The following PCYT1B variants were observed in gnomAD, a reference collection of about 807,000 sequenced individuals.
PCYT1B encodes phosphate cytidylyltransferase 1B, choline.
In PCYT1B, 10 loss-of-function variants were observed where a neutral mutation model predicts 26.4. The ratio of observed to expected loss-of-function variants is 0.38; its 90% CI spans 0.23 to 0.64. The LOEUF (loss-of-function observed/expected upper bound fraction) is 0.64. Ranked by LOEUF, PCYT1B falls within the 30% of genes least tolerant of loss-of-function variation. The pLI, the probability that PCYT1B is intolerant of heterozygous loss-of-function variation, is 0.56. For synonymous variants in PCYT1B, 131 were observed against 108.4 expected (o/e 1.21, Z -1.29); for missense variants, 161 against 292.7 (o/e 0.55, Z 3.28).
intron 1 of PCYT1B, among the ~76,000 whole-genome samples, chrX:24,667,020 G>A (rs1210993911): frequency 9.1e-6 from 1 of 109,339 alleles, no homozygotes; most frequent in Non-Finnish European, 1.9e-5. Context: ...AGGAGTTAGG[G>A]AAGGCATGGT....
At chrX:24,583,088 C>A (rs762118768) in intron 5 of PCYT1B, among the ~76,000 whole-genome samples, 5 of 112,285 alleles carry the variant, frequency 4.5e-5, no homozygotes, top group Non-Finnish European at 9.4e-5. Context: ...AATTCCCTTC[C>A]CCTGGAATCT....
chrX:24,656,999 G>A (rs183503064), intron 1 of PCYT1B, among the ~76,000 whole-genome samples: 3 of 111,544 alleles, frequency 2.7e-5, no homozygotes, highest in African/African-American at 3.3e-5. Context: ...CAAATATGAC[G>A]GCAGGGTTTT....
intron 7 of PCYT1B, among the ~76,000 whole-genome samples, chrX:24,567,217 T>G (rs1057156995): frequency 8.9e-6 from 1 of 112,596 alleles, no homozygotes; most frequent in Non-Finnish European, 1.9e-5. Flanking sequence ...TTGTCTACTA[T>G]AGTTTGAATC....
intron 3 of PCYT1B, among the ~76,000 whole-genome samples, chrX:24,593,288 C>A (rs1408092419): frequency 9.1e-6 from 1 of 110,452 alleles, no homozygotes; most frequent in Admixed American, 9.7e-5. Context: ...TTATTATTTA[C>A]AATAATAGAT....
intron 1 of PCYT1B, among the ~76,000 whole-genome samples, chrX:24,628,046 A>G (rs886221670): frequency 1.8e-5 from 2 of 111,835 alleles, no homozygotes; most frequent in African/African-American, 6.5e-5. Context: ...CCAAGTGGAG[A>G]TGTCAGGTAG....
intron 3 of PCYT1B, among the ~76,000 whole-genome samples, chrX:24,606,955 T>C (rs1406926155): frequency 5.3e-5 from 6 of 112,254 alleles, no homozygotes; most frequent in Admixed American, 1.9e-4. Context: ...TTACCAGTAC[T>C]TTTTTCCCCC....
At chrX:24,671,669 G>A (rs1195288792) in intron 1 of PCYT1B, among the ~76,000 whole-genome samples, 1 of 111,266 alleles carries the variant, frequency 9.0e-6, no homozygotes, top group Non-Finnish European at 1.9e-5. Context: ...GTAGTGGAGT[G>A]AAACCAGCTT....
At chrX:24,576,215 T>A (rs1416031126) in intron 6 of PCYT1B, among the ~76,000 whole-genome samples, 1 of 112,645 alleles carries the variant, frequency 8.9e-6, no homozygotes, top group Admixed American at 9.4e-5. Context: ...AACATGTGGC[T>A]CTTCCCCCAT....
intron 1 of PCYT1B, among the ~76,000 whole-genome samples, chrX:24,660,870 C>T (rs747503564): frequency 9.0e-6 from 1 of 110,902 alleles, no homozygotes; most frequent in East Asian, 2.8e-4. Flanking sequence ...GGATAACAAC[C>T]TCATTCCACC....
At chrX:24,665,722 T>C (rs1338845257) in intron 1 of PCYT1B, among the ~76,000 whole-genome samples, 1 of 112,169 alleles carries the variant, frequency 8.9e-6, no homozygotes, top group East Asian at 2.8e-4. Flanking sequence ...AGCTTTTTTA[T>C]TAATTCTCCA....
rs1309076665 is a variant in PCYT1B at position 24,560,469 on chromosome X, AAAG to A, written c.*1821_*1823del. 3.6e-5 allele frequency: 4 copies of A among 111,940 alleles called. No homozygotes were observed. The highest frequency in any genetic ancestry group is 1.3e-4 in the African/African-American group (4 of 30,667). The allele number at this position is 111,940 out of a possible 1,213,427, so 9.2% of individuals were successfully genotyped here. ...TATTCTGGGTGGCCCTTGACTGCAA[AAAG>A]AAGTTTTCTTCTTCACATGCCATGT... On this transcript the variant is annotated 3_prime_UTR_variant, in exon 8 of 8. Coordinates refer to ENST00000379144, the MANE Select transcript of PCYT1B (RefSeq NM_004845.5).
In PCYT1B at chrX:24,565,483, TG is replaced by T. The variant is rs773448866; in HGVS notation, c.898-2979del. Among the ~76,000 whole-genome samples the T allele has an allele frequency of 2.4e-4, 26 of 109,960 alleles. 1 individual carries two copies. Among genetic ancestry groups the T allele is most frequent in the Admixed American group, 9.8e-5 (1 of 10,226 alleles). On this transcript the variant is annotated intron_variant, in intron 7 of 7. Transcript: ENST00000379144. ...TGGGTGGAGATGGGGAGTGGGTCCA[TG>T]GGGGCTAGTAGAGGATGGCCTTTCT...
intron 2 of PCYT1B, among the ~76,000 whole-genome samples, chrX:24,613,965 AAAAAAAAAAAAAAG>A (rs1225536942): frequency 2.4e-4 from 5 of 20,619 alleles, no homozygotes; most frequent in Admixed American, 5.7e-4. Flanking sequence ...AAAAAAAAAA[AAAAAAAAAAAAAAG>A]AAAGAAAGAG....
In PCYT1B at chrX:24,607,204, G is replaced by A. The variant is rs183429064; in HGVS notation, c.334+541C>T. Among the ~76,000 whole-genome samples, 4 of 112,130 alleles carry A rather than the reference G, an allele frequency of 3.6e-5. No individual in the cohort carries two copies. In the East Asian group the frequency reaches 1.1e-3, roughly 31 times the overall value. ...AATTGGTCCCTTCGTTGTGAACCAAGATTACCTCGGTATATAAATCTCCAT... is the reference window on the plus strand; with the variant it reads ...AATTGGTCCCTTCGTTGTGAACCAAAATTACCTCGGTATATAAATCTCCAT... On this transcript the variant is annotated intron_variant, in intron 3 of 7. Transcript: ENST00000379144.
Position 24,637,491 on chromosome X carries a change from A to AAT in PCYT1B, c.117+9496_117+9497dup, listed in dbSNP as rs1555963533. Reference sequence around the variant, plus strand: ...ACCCCATCTCTACTAAAAAAAAAAAAATATATATATATATATATATAAATT... The same window carrying AAT: ...ACCCCATCTCTACTAAAAAAAAAAAAATATATATATATATATATATATAAATT... On this transcript the variant is annotated intron_variant, in intron 1 of 7. Coordinates refer to ENST00000379144, the MANE Select transcript of PCYT1B (RefSeq NM_004845.5). Among the ~76,000 whole-genome samples the AAT allele has an allele frequency of 5.6e-3, 297 of 52,860 alleles. 13 individuals are homozygous for AAT. The highest frequency in any genetic ancestry group is 0.018 in the Middle Eastern group (2 of 113). 45.9% of individuals were successfully genotyped at this position (52,860 alleles called of 115,157 possible).
chrX:24,602,754 A>G (rs1429430851), intron 3 of PCYT1B, among the ~76,000 whole-genome samples: 7 of 112,229 alleles, frequency 6.2e-5, no homozygotes, highest in Non-Finnish European at 1.3e-4. Flanking sequence ...CATCTTTTAT[A>G]ACTACTTAAA....
At position 24,569,981 on chromosome X, in the gene PCYT1B, C is replaced by T. The variant is rs181284139; in HGVS notation, c.897+5149G>A. Among the ~76,000 whole-genome samples the T allele has an allele frequency of 4.6e-3, 505 of 110,213 alleles. 4 individuals carry two copies. Among genetic ancestry groups the T allele is most frequent in the African/African-American group, 0.016 (470 of 30,318 alleles). On this transcript the variant is annotated intron_variant, in intron 7 of 7. Coordinates refer to ENST00000379144, the MANE Select transcript of PCYT1B (RefSeq NM_004845.5). ...GGCAGATCACCTGAGGTCAGGAGTTCGAGACCAGCCTGGCCAACATGGCAA... is the reference window on the plus strand; with the variant it reads ...GGCAGATCACCTGAGGTCAGGAGTTTGAGACCAGCCTGGCCAACATGGCAA...
intron 3 of PCYT1B, among the ~76,000 whole-genome samples, chrX:24,600,158 C>T (rs981439518): frequency 1.8e-5 from 2 of 111,366 alleles, no homozygotes; most frequent in African/African-American, 6.5e-5. Context: ...CCACCCACCT[C>T]GGCCTCCCAA....
At chrX:24,671,318 C>CATGA (rs754548246) in intron 1 of PCYT1B, among the ~76,000 whole-genome samples, 3,157 of 83,884 alleles carry the variant, frequency 0.038, 41 homozygotes, top group Middle Eastern at 0.064. Context: ...TGAAATGAGG[C>CATGA]ATGAATGAAT....
Sources: allele counts gnomAD v4.1 joint callset (sites outside exome capture counted in the v4.1 genomes callset), GRCh38; gene constraint gnomAD v4.1.1; transcripts MANE v1.5; gene names NCBI Gene and HGNC (gene_info 2026-07-23, HGNC 2026-07-21).